Variants in DDX60 observed in about 807,000 individuals in gnomAD.
DDX60 encodes probable ATP-dependent RNA helicase DDX60.
DDX60 carries 165 observed loss-of-function variants against 212.8 expected under a neutral mutation model. The ratio of observed to expected loss-of-function variants is 0.78; its 90% CI spans 0.68 to 0.88. The LOEUF is 0.88. DDX60 is among the 40% of genes least tolerant of loss of function. The pLI is 0.00. For synonymous variants in DDX60, 703 were observed against 685.3 expected, an observed-to-expected ratio of 1.03 and a Z score of -0.40; for missense variants, 1,905 against 2,003.9, an observed-to-expected ratio of 0.95 and a Z score of 0.94.
chr4:168,286,428 A>ACACACACAACAC (rs1735859108), intron 10 of DDX60, among the ~76,000 whole-genome samples: 1 of 46,482 alleles, frequency 2.2e-5, no homozygotes. Context: ...CACACGAGAT[A>ACACACACAACAC]GATAGATAGA....
At chr4:168,240,974 C>A (rs1341603600) in intron 30 of DDX60, among the ~76,000 whole-genome samples, 2 of 152,146 alleles carry the variant, frequency 1.3e-5, no homozygotes, top group African/African-American at 4.8e-5. Flanking sequence ...ATAGAAGGAA[C>A]CCAGTGGGAG....
chr4:168,229,496 G>A (rs1257161490), intron 33 of DDX60, among the ~76,000 whole-genome samples: 2 of 151,982 alleles, frequency 1.3e-5, no homozygotes, highest in African/African-American at 4.8e-5. Flanking sequence ...AAAGTTTCCT[G>A]GACAGAACCT....
At chr4:168,321,888 C>T (rs1220749682), upstream of DDX60, among the ~76,000 whole-genome samples, 2 of 152,100 alleles carry the variant, frequency 1.3e-5, no homozygotes, top group Admixed American at 6.5e-5. Context: ...CTAATTGAAC[C>T]TATTGAATTG....
chr4:168,255,634 T>G, intron 26 of DDX60, 77 bp downstream of exon 26: 1 of 1,264,608 alleles, frequency 7.9e-7, no homozygotes. Flanking sequence ...ATAGAACATA[T>G]TCAATTTACG....
chr4:168,252,790 C>A (rs1734266464), intron 26 of DDX60, 134 bp from the exon 27 acceptor site: 2 of 543,968 alleles, frequency 3.7e-6, no homozygotes, highest in Non-Finnish European at 6.2e-6. Context: ...GGCTGTGCAT[C>A]TTTATTATTT....
Position 168,216,846 on chromosome 4 carries a change from A to G in DDX60, c.*87T>C, listed in dbSNP as rs931506241. On this transcript the variant is annotated 3_prime_UTR_variant, in exon 38 of 38. Transcript: ENST00000393743. ...ATGTATTTCCACTTTATCATAATGT[A>G]TTTCTGGCAAGAAGCATAAGAATCA... The G allele has an allele frequency of 3.9e-6, 3 of 770,384 alleles. No individual in the cohort carries two copies. Among genetic ancestry groups the G allele is most frequent in the Admixed American group, 6.1e-5 (2 of 32,994 alleles). The allele number at this position is 770,384 out of a possible 1,614,324, so 47.7% of individuals were successfully genotyped here.
At chr4:168,274,476 A>G (rs929958261) in intron 16 of DDX60, among the ~76,000 whole-genome samples, 1 of 152,230 alleles carries the variant, frequency 6.6e-6, no homozygotes, top group African/African-American at 2.4e-5. Flanking sequence ...TACTTTCTAC[A>G]TAGAAGAATG....
intron 14 of DDX60, among the ~76,000 whole-genome samples, chr4:168,278,272 C>T (rs1252781569): frequency 1.3e-5 from 2 of 152,154 alleles, no homozygotes; most frequent in South Asian, 2.1e-4. Flanking sequence ...AAAAGAAATC[C>T]GTGCTAGTTT....
At chr4:168,248,914 T>C (rs2149503498) in intron 28 of DDX60, among the ~76,000 whole-genome samples, 1 of 152,080 alleles carries the variant, frequency 6.6e-6, no homozygotes, top group Non-Finnish European at 1.5e-5. Context: ...CACCCACCAC[T>C]ACATTCGGCT....
Position 168,267,909 on chromosome 4 carries a change from T to G in DDX60, c.2861A>C (p.His954Pro). The change falls in exon 21 of 38, where the codon CAT becomes CCT. Residue 954 changes from histidine to proline, a missense_variant. His to Pro is a moderately conservative substitution (Grantham distance 77). Coordinates refer to ENST00000393743, the MANE Select transcript of DDX60 (RefSeq NM_017631.6). ...GGGAAAGCCGGCCTGACGACCCACA[T>G]GTCTTTTAGAAGCGGTATTATTTTC... is the stretch of plus-strand genomic sequence containing the variant. ...IIENNTASKR[H>P]VGRQAGFPKD... 6.2e-7 allele frequency: 1 copy of G among 1,613,652 alleles called. No homozygotes were observed. The highest frequency in any genetic ancestry group is 8.5e-7 in the Non-Finnish European group (1 of 1,179,724).
At chr4:168,263,547 A>C (rs982113760) in intron 22 of DDX60, 1 of 152,158 alleles carries the variant, frequency 6.6e-6, no homozygotes, top group Admixed American at 6.5e-5. Flanking sequence ...CCGAATCCCC[A>C]ATGTGATGGT....
At chr4:168,252,794 ATTATT>A (rs139092828) in intron 26 of DDX60, 138 bp from the exon 27 acceptor site, 15,699 of 529,180 alleles carry the variant, frequency 0.03, 1,943 homozygotes, top group African/African-American at 0.27. Flanking sequence ...GTGCATCTTT[ATTATT>A]TTATTTTATT....
At position 168,224,373 on chromosome 4, in the gene DDX60, T is replaced by C. The variant is rs1287786543; in HGVS notation, c.4694A>G (p.Lys1565Arg). ...LPLSKIKFTG[K>R]ECEDSQLVSH... Reference sequence around the variant, plus strand: ...TACGAGTTGAGAGTCTTCACATTCTTTACCTGTGAATTCTGACAATAATAG... The same window carrying C: ...TACGAGTTGAGAGTCTTCACATTCTCTACCTGTGAATTCTGACAATAATAG... Residue 1565 changes from lysine (K) to arginine (R), a missense_variant, in exon 35 of 38, where the codon AAA (lysine) becomes AGA (arginine). Coordinates refer to ENST00000393743, the MANE Select transcript of DDX60 (RefSeq NM_017631.6). 1.2e-6 allele frequency: 2 copies of C among 1,611,614 alleles called. No homozygotes were observed. Among genetic ancestry groups the C allele is most frequent in the South Asian group, 1.1e-5 (1 of 90,968 alleles).
Position 168,297,708 on chromosome 4 carries a change from AG to A in DDX60, c.724-3764del, listed in dbSNP as rs746484566. ...AGGCTGGGGCCAGGAGTTCGAGACC[AG>A]CCTAGAAAACATGACAAAAGCTCAT... is the stretch of plus-strand genomic sequence containing the variant. On this transcript the variant is annotated intron_variant, in intron 6 of 37. Coordinates refer to ENST00000393743, the MANE Select transcript of DDX60 (RefSeq NM_017631.6). Among the ~76,000 whole-genome samples the A allele has an allele frequency of 5.8e-4, 88 of 151,466 alleles. 1 individual carries two copies. The highest frequency in any genetic ancestry group is 1.0e-3 in the Non-Finnish European group (70 of 67,916).
At position 168,283,527 on chromosome 4, in the gene DDX60, T is replaced by C; in HGVS notation, c.1641A>G (p.Glu547=). 6.2e-7 allele frequency: 1 copy of C among 1,613,478 alleles called. No homozygotes were observed. Residue 547 remains glutamate, a synonymous_variant, in exon 13 of 38, where the codon GAA becomes GAG. Transcript: ENST00000393743. ...VFQRFYGNSL[E]TVSSKIIVTQ... is the part of the protein sequence containing the mutation. ...TCACGATGATTTTCGAAGAGACTGT[T>C]TCTAATGAATTCCCATAAAACCGTT...
rs895803009 is a variant in DDX60, at chr4:168,309,050, G to A, written c.75-855C>T. ...GAGAAGTGTAAACAAATGTTATGCT[G>A]CACTATTAAATCATAACTGCATAAA... On this transcript the variant is annotated intron_variant, in intron 3 of 37. Transcript: ENST00000393743. Among the ~76,000 whole-genome samples the A allele has an allele frequency of 3.3e-5, 5 of 152,120 alleles. No homozygotes were observed. In the South Asian group the frequency reaches 6.2e-4, roughly 19 times the overall value.
Position 168,255,793 on chromosome 4 carries a change from G to C in DDX60, c.3475C>G (p.Pro1159Ala), listed in dbSNP as rs549091320. ...TGGGCTTCTTTATCAGCTTTGGGAG[G>C]CCTTTTTGTCTCCTGCTTTTTCTTT... is the stretch of plus-strand genomic sequence containing the variant. ...FLKKKQETKR[P>A]PKADKEAHVM... Residue 1159 changes from proline to alanine, a missense_variant, in exon 26 of 38, where the codon CCT (proline) becomes GCT (alanine). By Grantham distance (27) the Pro-to-Ala change is conservative (BLOSUM62 -1). Transcript: ENST00000393743. The C allele has an allele frequency of 6.2e-7, 1 of 1,609,108 alleles. No homozygotes were observed.
chr4:168,267,249 G>A (rs1734887244), intron 22 of DDX60, among the ~76,000 whole-genome samples: 1 of 152,126 alleles, frequency 6.6e-6, no homozygotes, highest in South Asian at 2.1e-4. Flanking sequence ...ACTATGAGAA[G>A]AATTAGTGTC....
At chr4:168,222,469 G>C (rs1298630253) in intron 35 of DDX60, among the ~76,000 whole-genome samples, 1 of 151,694 alleles carries the variant, frequency 6.6e-6, no homozygotes, top group African/African-American at 2.4e-5. Flanking sequence ...TTTTTTGGTA[G>C]TTACAAATAA....
Sources: allele counts gnomAD v4.1 joint callset (sites outside exome capture counted in the v4.1 genomes callset), GRCh38; gene constraint gnomAD v4.1.1; transcripts MANE v1.5; gene names NCBI Gene and HGNC (gene_info 2026-07-23, HGNC 2026-07-21).